DOCK2: variants seen among roughly 807,000 people sequenced by gnomAD.
The protein encoded by DOCK2 is dedicator of cytokinesis 2.
In DOCK2, 87 loss-of-function variants were observed where a neutral mutation model predicts 248.9. The observed-to-expected ratio is 0.35, with a 90% CI of 0.29 to 0.42. The LOEUF is 0.42. Ranked by LOEUF, DOCK2 falls within the 10% of genes least tolerant of loss-of-function variation. The probability of loss-of-function intolerance (pLI) is 1.00; values close to 1 mark genes in which losing one functional copy is unlikely to be tolerated. For missense variants in DOCK2, 1,747 were observed against 2,300.2 expected (o/e 0.76, Z 4.92); for synonymous variants, 805 against 821.6 (o/e 0.98, Z 0.35).
intron 27 of DOCK2, among the ~76,000 whole-genome samples, chr5:169,870,023 G>A (rs573888120): frequency 1.8e-4 from 28 of 152,244 alleles, no homozygotes; most frequent in Admixed American, 7.8e-4. Context: ...TTCCGGACAC[G>A]AGCCCTTGAG....
intron 1 of DOCK2, among the ~76,000 whole-genome samples, chr5:169,648,583 AGT>A: frequency 6.6e-6 from 1 of 152,230 alleles, no homozygotes; most frequent in Admixed American, 6.5e-5. Context: ...TGGCTGAGAG[AGT>A]GTGCTCCGGA....
At chr5:170,050,189 A>T in intron 40 of DOCK2, 67 bp from the exon 41 acceptor site, 1 of 1,580,720 alleles carries the variant, frequency 6.3e-7, no homozygotes, top group Non-Finnish European at 8.6e-7. Flanking sequence ...CAAGCTCCCC[A>T]GCTTTGCTTG....
chr5:169,974,756 A>G (rs115166374), intron 27 of DOCK2, among the ~76,000 whole-genome samples: 223 of 152,278 alleles, frequency 1.5e-3, no homozygotes, highest in African/African-American at 5.1e-3. Context: ...TGAGGCACAG[A>G]AGCCCATCGT....
intron 38 of DOCK2, among the ~76,000 whole-genome samples, chr5:170,043,684 G>A (rs1304095928): frequency 1.3e-5 from 2 of 152,216 alleles, no homozygotes; most frequent in Non-Finnish European, 2.9e-5. Context: ...AGCCTCTTGA[G>A]GGCAGAGATG....
At chr5:169,672,205 A>G (rs1023672626) in intron 5 of DOCK2, among the ~76,000 whole-genome samples, 3 of 151,972 alleles carry the variant, frequency 2.0e-5, no homozygotes, top group African/African-American at 7.3e-5. Flanking sequence ...ATGGGGTTTC[A>G]TCATGTTGGT....
intron 26 of DOCK2, among the ~76,000 whole-genome samples, chr5:169,810,588 T>TA (rs1246978933): frequency 6.6e-6 from 1 of 152,090 alleles, no homozygotes; most frequent in Non-Finnish European, 1.5e-5. Context: ...TACTTCAGGT[T>TA]ACTTTCCTTG....
chr5:170,045,392 G>A (rs1756670216), intron 38 of DOCK2, among the ~76,000 whole-genome samples: 1 of 152,166 alleles, frequency 6.6e-6, no homozygotes, highest in Admixed American at 6.5e-5. Context: ...CACGTGGGAG[G>A]CAGGGACTGA....
At chr5:169,691,829 T>TTTTA (rs543766613) in intron 9 of DOCK2, among the ~76,000 whole-genome samples, 5,146 of 150,462 alleles carry the variant, frequency 0.034, 94 homozygotes, top group Middle Eastern at 0.045. Flanking sequence ...CTATGTTTTG[T>TTTTA]TTTATTTATT....
chr5:169,755,513 C>T (rs1372982466), intron 23 of DOCK2, among the ~76,000 whole-genome samples: 5 of 152,070 alleles, frequency 3.3e-5, no homozygotes, highest in African/African-American at 1.2e-4. Context: ...GAGGCTGAGG[C>T]GGGTGGATCA....
chr5:170,055,170 A>T, intron 41 of DOCK2, 135 bp from the exon 42 acceptor site: 1 of 774,966 alleles, frequency 1.3e-6, no homozygotes, highest in Non-Finnish European at 2.1e-6. Context: ...GTGGGCAGCC[A>T]GCAACCTGAG....
chr5:169,652,289 G>A (rs1757850178), intron 1 of DOCK2, among the ~76,000 whole-genome samples: 1 of 152,240 alleles, frequency 6.6e-6, no homozygotes, highest in African/African-American at 2.4e-5. Flanking sequence ...TCTCTTGGCT[G>A]GGTGGCCTTG....
chr5:170,000,322 A>C (rs2113801988), intron 30 of DOCK2: 1 of 152,362 alleles, frequency 6.6e-6, no homozygotes, highest in Non-Finnish European at 1.5e-5. Flanking sequence ...GATTCTCATC[A>C]TAATCTTGTC....
intron 13 of DOCK2, among the ~76,000 whole-genome samples, chr5:169,700,657 C>T (rs1201542314): frequency 6.6e-6 from 1 of 151,908 alleles, no homozygotes; most frequent in Non-Finnish European, 1.5e-5. Flanking sequence ...CACTACATTT[C>T]CAAATGTGTG....
intron 27 of DOCK2, among the ~76,000 whole-genome samples, chr5:169,925,356 C>T (rs1022043636): frequency 2.0e-5 from 3 of 152,170 alleles, no homozygotes; most frequent in African/African-American, 7.2e-5. Context: ...CTGAGGTGGG[C>T]AGATCACAAG....
At chr5:170,020,112 C>T (rs371053910) in intron 33 of DOCK2, among the ~76,000 whole-genome samples, 2 of 152,184 alleles carry the variant, frequency 1.3e-5, no homozygotes, top group South Asian at 2.1e-4. Flanking sequence ...CCGGCCCTCC[C>T]GGCTCCAGCC....
chr5:169,740,938 C>T (rs369846350), intron 22 of DOCK2, among the ~76,000 whole-genome samples: 6 of 152,026 alleles, frequency 3.9e-5, no homozygotes, highest in African/African-American at 9.7e-5. Flanking sequence ...TGGGCTCGGG[C>T]GATCCTCCAG....
intron 2 of DOCK2, among the ~76,000 whole-genome samples, chr5:169,667,238 T>G (rs191582409): frequency 6.6e-6 from 1 of 152,342 alleles, no homozygotes; most frequent in African/African-American, 2.4e-5. Context: ...CAGATGACCC[T>G]ATCTCTATTT....
intron 1 of DOCK2, among the ~76,000 whole-genome samples, chr5:169,644,755 T>C (rs527597905): frequency 6.6e-6 from 1 of 152,198 alleles, no homozygotes; most frequent in African/African-American, 2.4e-5. Flanking sequence ...AAGCCCCATA[T>C]GCATTAGCTA....
intron 26 of DOCK2, among the ~76,000 whole-genome samples, chr5:169,819,482 A>C (rs980388543): frequency 1.3e-5 from 2 of 152,162 alleles, no homozygotes; most frequent in African/African-American, 4.8e-5. Flanking sequence ...TTAGCTGGTC[A>C]TGGTAGCATG....
Sources: gnomAD v4.1 joint callset for allele counts (sites outside exome capture counted in the v4.1 genomes callset) on GRCh38, gnomAD v4.1.1 for gene constraint, MANE v1.5 for transcripts, NCBI Gene and HGNC (gene_info 2026-07-23, HGNC 2026-07-21) for gene names.